Variants in DCLK1 observed in about 807,000 individuals in gnomAD.
DCLK1 encodes doublecortin like kinase 1.
A neutral mutation model predicts 86.2 loss-of-function variants in DCLK1; 16 were observed. The ratio of observed to expected loss-of-function variants is 0.19; its 90% confidence interval spans 0.13 to 0.28. DCLK1 has a LOEUF of 0.28. Ranked by LOEUF, DCLK1 falls within the 10% of genes least tolerant of loss-of-function variation. The probability of loss-of-function intolerance (pLI) is 1.00; values close to 1 mark genes in which losing one functional copy is unlikely to be tolerated. For missense variants in DCLK1, 590 were observed against 940.2 expected (o/e 0.63, Z 4.87); for synonymous variants, 369 against 370.5 (o/e 1.00, Z 0.05).
At chr13:36,016,383 A>G (rs1380602994) in intron 3 of DCLK1, among the ~76,000 whole-genome samples, 1 of 152,174 alleles carries the variant, frequency 6.6e-6, no homozygotes, top group Non-Finnish European at 1.5e-5. Flanking sequence ...TTAATGATCA[A>G]CTAGTCAAGG....
chr13:35,851,509 C>T (rs1268789317), intron 6 of DCLK1, among the ~76,000 whole-genome samples: 1 of 152,088 alleles, frequency 6.6e-6, no homozygotes, highest in East Asian at 1.9e-4. Flanking sequence ...TCTGACTGAT[C>T]AGATAATCTA....
intron 6 of DCLK1, chr13:35,848,049 A>G (rs998453438): frequency 3.0e-6 from 3 of 985,218 alleles, no homozygotes; most frequent in Non-Finnish European, 3.6e-6. Flanking sequence ...TTTTTCTACA[A>G]TGTCTACATC....
intron 2 of DCLK1, among the ~76,000 whole-genome samples, chr13:36,117,766 ACC>A (rs1387594893): frequency 3.9e-5 from 6 of 152,216 alleles, no homozygotes; most frequent in Admixed American, 3.9e-4. Flanking sequence ...AGGGAAAGAA[ACC>A]TAAGTCAGGA....
At chr13:36,068,574 T>C (rs923763859) in intron 3 of DCLK1, among the ~76,000 whole-genome samples, 1 of 148,348 alleles carries the variant, frequency 6.7e-6, no homozygotes, top group African/African-American at 2.5e-5. Flanking sequence ...CTTTTTTTTT[T>C]TAACAAATTC....
chr13:36,007,337 C>T (rs532403576), intron 3 of DCLK1, among the ~76,000 whole-genome samples: 11 of 152,302 alleles, frequency 7.2e-5, no homozygotes, highest in African/African-American at 2.6e-4. Flanking sequence ...CCAAGACATG[C>T]AATTTGAGTG....
intron 3 of DCLK1, among the ~76,000 whole-genome samples, chr13:35,950,295 C>T (rs995937390): frequency 6.6e-6 from 1 of 152,204 alleles, no homozygotes; most frequent in Non-Finnish European, 1.5e-5. Flanking sequence ...CGCGCTCATG[C>T]ATTATCATTG....
Position 36,126,113 on chromosome 13 carries a change from G to A in DCLK1, c.25C>T (p.Leu9=), listed in dbSNP as rs576234646. ...TTATCCCGCTCGTCGAAGTGCTCCAGCTCCATGTCTCTGCCGAAGGACATG... is the reference window on the plus strand; with the variant it reads ...TTATCCCGCTCGTCGAAGTGCTCCAACTCCATGTCTCTGCCGAAGGACATG... MSFGRDME[L]EHFDERDKAQ... is the part of the protein sequence containing the mutation. The change falls in exon 2 of 17, where the codon CTG becomes TTG. Residue 9 remains leucine, a synonymous_variant. Coordinates refer to ENST00000360631, the MANE Select transcript of DCLK1 (RefSeq NM_001330071.2). The A allele has an allele frequency of 1.2e-6, 2 of 1,600,364 alleles. No individual in the cohort carries two copies. Among genetic ancestry groups the A allele is most frequent in the African/African-American group, 2.7e-5 (2 of 74,794 alleles).
At chr13:35,861,325 A>G (rs72652883) in intron 5 of DCLK1, among the ~76,000 whole-genome samples, 7,327 of 152,336 alleles carry the variant, frequency 0.048, 229 homozygotes, top group Middle Eastern at 0.078. Flanking sequence ...GATCCCTATC[A>G]GCTGGGATCC....
At chr13:35,861,377 A>G (rs1426430160) in intron 5 of DCLK1, among the ~76,000 whole-genome samples, 1 of 152,218 alleles carries the variant, frequency 6.6e-6, no homozygotes, top group East Asian at 1.9e-4. Context: ...GGGGACCACA[A>G]GCACCAAGGG....
chr13:35,965,990 C>G (rs1878714655), intron 3 of DCLK1, among the ~76,000 whole-genome samples: 2 of 152,052 alleles, frequency 1.3e-5, no homozygotes, highest in South Asian at 4.2e-4. Flanking sequence ...ACAGAAAGCT[C>G]AAGGTAAAGA....
rs80034851 is a variant in DCLK1, at chr13:35,920,268, G to A, written c.823+27090C>T. ...TCCACTCCACAGACCTGCCCTTCAC[G>A]TGTCCTTGCCTTGACACGTATGGAG... On this transcript the variant is annotated intron_variant, in intron 4 of 16. Coordinates refer to ENST00000360631, the MANE Select transcript of DCLK1 (RefSeq NM_001330071.2). Among the ~76,000 whole-genome samples the A allele has an allele frequency of 4.4e-4, 67 of 152,198 alleles. 1 individual carries two copies. Among genetic ancestry groups the A allele is most frequent in the Admixed American group, 3.4e-3 (52 of 15,286 alleles).
intron 3 of DCLK1, among the ~76,000 whole-genome samples, chr13:36,072,967 T>C (rs1884032731): frequency 6.6e-6 from 1 of 152,218 alleles, no homozygotes; most frequent in Non-Finnish European, 1.5e-5. Flanking sequence ...ACATGGATTC[T>C]GGGATATCTC....
intron 6 of DCLK1, chr13:35,846,034 T>C: frequency 1.0e-6 from 1 of 985,462 alleles, no homozygotes; most frequent in Non-Finnish European, 1.2e-6. Flanking sequence ...ACAAAGTAAC[T>C]GAACTTTCAA....
chr13:35,850,130 G>A lies in DCLK1; in HGVS notation c.1035+4369C>T, dbSNP rs188987382. The A allele has an allele frequency of 6.2e-3, 6,129 of 984,638 alleles. 29 individuals are homozygous for A. Among genetic ancestry groups the A allele is most frequent in the Middle Eastern group, 0.019 (37 of 1,914 alleles). 61.0% of individuals were successfully genotyped at this position (984,638 alleles called of 1,614,324 possible). ...TTGTCATAATTTTTCTTTTTCTCTC[G>A]GATGTACTAACCCACAAAACAGTAA... On this transcript the variant is annotated intron_variant, in intron 6 of 16. Transcript: ENST00000360631.
intron 5 of DCLK1, among the ~76,000 whole-genome samples, chr13:35,862,051 A>G (rs968283094): frequency 1.1e-4 from 17 of 149,988 alleles, no homozygotes; most frequent in Admixed American, 4.0e-4. Context: ...AAAAAAAAAA[A>G]AAAAAGAAAT....
chr13:35,846,949 T>C, intron 6 of DCLK1: 1 of 985,300 alleles, frequency 1.0e-6, no homozygotes, highest in Non-Finnish European at 1.2e-6. Flanking sequence ...TTAAACTTAC[T>C]TCATATCAAA....
intron 2 of DCLK1, among the ~76,000 whole-genome samples, chr13:36,118,579 G>A (rs1885874106): frequency 1.3e-5 from 2 of 152,198 alleles, no homozygotes; most frequent in African/African-American, 4.8e-5. Flanking sequence ...AAGCCAATCA[G>A]TTGGAGATTT....
intron 4 of DCLK1, among the ~76,000 whole-genome samples, chr13:35,871,735 T>A (rs1467898914): frequency 1.3e-5 from 2 of 152,310 alleles, no homozygotes; most frequent in East Asian, 3.9e-4. Flanking sequence ...GTCAACCTCA[T>A]AAACCAAGAA....
intron 3 of DCLK1, among the ~76,000 whole-genome samples, chr13:36,074,839 G>C (rs1182741123): frequency 6.6e-6 from 1 of 152,202 alleles, no homozygotes; most frequent in Non-Finnish European, 1.5e-5. Flanking sequence ...CTTATGCTTT[G>C]TGCAGCCAAG....
Sources: gnomAD v4.1 joint callset for allele counts (sites outside exome capture counted in the v4.1 genomes callset) on GRCh38, gnomAD v4.1.1 for gene constraint, MANE v1.5 for transcripts, NCBI Gene and HGNC (gene_info 2026-07-23, HGNC 2026-07-21) for gene names.